Variants in MIPEP observed in about 807,000 individuals in gnomAD.
The protein encoded by MIPEP is mitochondrial intermediate peptidase.
A neutral mutation model predicts 90.3 loss-of-function variants in MIPEP; 79 were observed. The ratio of observed to expected loss-of-function variants is 0.87; its 90% CI spans 0.73 to 1.05. The LOEUF (loss-of-function observed/expected upper bound fraction) is 1.05. Ranked by LOEUF, MIPEP falls within the 50% of genes least tolerant of loss-of-function variation. The pLI, the probability that MIPEP is intolerant of heterozygous loss-of-function variation, is 0.00. For missense variants in MIPEP, 940 were observed against 905.6 expected (o/e 1.04, Z -0.49); for synonymous variants, 334 against 315.8 (o/e 1.06, Z -0.61).
intron 16 of MIPEP, among the ~76,000 whole-genome samples, chr13:23,779,992 C>T (rs1319656832): frequency 6.6e-6 from 1 of 152,196 alleles, no homozygotes; most frequent in East Asian, 1.9e-4. Context: ...CACCTCAGCT[C>T]AAGGAGGCCT....
Position 23,879,367 on chromosome 13 carries a change from G to C in MIPEP, c.453-13C>G, listed in dbSNP as rs771242899. ...ATTTGTGTTCAACCTAGAAAAAATA[G>C]AAATTTAAAAAATTAGATGATTTTC... On this transcript the variant is annotated splice_polypyrimidine_tract_variant and intron_variant, in intron 3 of 18. Coordinates refer to ENST00000382172, the MANE Select transcript of MIPEP (RefSeq NM_005932.4). 2 of 1,389,282 alleles carry C rather than the reference G, an allele frequency of 1.4e-6. No homozygotes were observed. The highest frequency in any genetic ancestry group is 2.9e-5 in the African/African-American group (2 of 69,258). 86.1% of individuals were successfully genotyped at this position (1,389,282 alleles called of 1,614,324 possible). A position where few individuals can be genotyped will look rare whatever the true frequency, so the allele number is the denominator to read the frequency against.
At chr13:23,844,836 T>A (rs1028938565) in intron 10 of MIPEP, among the ~76,000 whole-genome samples, 25 of 152,126 alleles carry the variant, frequency 1.6e-4, no homozygotes, top group African/African-American at 5.8e-4. Context: ...GGAAAAAAAA[T>A]TTAAGTATAG....
At chr13:23,806,095 G>GT (rs1953103912) in intron 15 of MIPEP, 26 bp from the exon 16 acceptor site, 2 of 1,612,620 alleles carry the variant, frequency 1.2e-6, no homozygotes, top group African/African-American at 2.7e-5. Flanking sequence ...CATCTACTTA[G>GT]TTTTGGTCGT....
At chr13:23,750,654 C>T (rs1200978146) in intron 18 of MIPEP, among the ~76,000 whole-genome samples, 1 of 152,222 alleles carries the variant, frequency 6.6e-6, no homozygotes, top group Non-Finnish European at 1.5e-5. Flanking sequence ...GGAACTCACT[C>T]TGCACTGCCC....
intron 3 of MIPEP, among the ~76,000 whole-genome samples, chr13:23,879,858 A>G (rs796753493): frequency 1.1e-4 from 17 of 152,258 alleles, no homozygotes; most frequent in African/African-American, 3.9e-4. Context: ...TGTGTGCAGC[A>G]CACATTTCCT....
At chr13:23,833,689 T>C (rs534715892) in intron 14 of MIPEP, among the ~76,000 whole-genome samples, 31 of 152,236 alleles carry the variant, frequency 2.0e-4, no homozygotes, top group African/African-American at 1.9e-4. Flanking sequence ...TTAAAAAAAA[T>C]TGACATTTGT....
chr13:23,768,069 C>T (rs1323146648), intron 16 of MIPEP, among the ~76,000 whole-genome samples: 2 of 152,192 alleles, frequency 1.3e-5, no homozygotes, highest in Non-Finnish European at 2.9e-5. Flanking sequence ...GCTACTCGCC[C>T]TCCTTGTCCT....
intron 15 of MIPEP, 41 bp from the exon 16 acceptor site, chr13:23,806,110 C>T (rs1566000023): frequency 6.2e-7 from 1 of 1,610,302 alleles, no homozygotes; most frequent in Admixed American, 1.7e-5. Context: ...GGTCGTCCAT[C>T]CTCACATCAA....
chr13:23,815,737 A>G (rs1953225813), intron 14 of MIPEP, among the ~76,000 whole-genome samples: 1 of 152,238 alleles, frequency 6.6e-6, no homozygotes, highest in Admixed American at 6.5e-5. Context: ...GTTTACAAAA[A>G]AACCCCACAA....
intron 12 of MIPEP, 37 bp downstream of exon 12, chr13:23,839,612 C>T (rs758093416): frequency 3.0e-6 from 4 of 1,348,482 alleles, no homozygotes; most frequent in South Asian, 1.6e-5. Flanking sequence ...AAATGCCGAT[C>T]GGTTCTAGAG....
chr13:23,874,478 A>T (rs1446239317), intron 5 of MIPEP, among the ~76,000 whole-genome samples: 1 of 152,228 alleles, frequency 6.6e-6, no homozygotes, highest in Non-Finnish European at 1.5e-5. Flanking sequence ...TATAATATAA[A>T]TAAATACACT....
chr13:23,757,106 T>C (rs1429860193), intron 17 of MIPEP, among the ~76,000 whole-genome samples: 2 of 152,112 alleles, frequency 1.3e-5, no homozygotes, highest in Non-Finnish European at 2.9e-5. Context: ...GTAGAATCAG[T>C]GGGAGCCCTG....
At chr13:23,762,350 C>G (rs936348279) in intron 16 of MIPEP, among the ~76,000 whole-genome samples, 1 of 152,114 alleles carries the variant, frequency 6.6e-6, no homozygotes, top group Non-Finnish European at 1.5e-5. Flanking sequence ...ATCACAGGAA[C>G]GTGGCAGCAT....
In MIPEP at chr13:23,864,198, A is replaced by T; in HGVS notation, c.944-9T>A. The T allele has an allele frequency of 1.4e-5, 22 of 1,535,944 alleles. No individual in the cohort carries two copies. The highest frequency in any genetic ancestry group is 1.9e-5 in the Non-Finnish European group (22 of 1,132,820). ...GAACTGCATGACAGTCTCTAAAACGAAATCCAAAAGAAAATATCTTCAATT... is the reference window on the plus strand; with the variant it reads ...GAACTGCATGACAGTCTCTAAAACGTAATCCAAAAGAAAATATCTTCAATT... On this transcript the variant is annotated splice_polypyrimidine_tract_variant and intron_variant, in intron 7 of 18. Coordinates refer to ENST00000382172, the MANE Select transcript of MIPEP (RefSeq NM_005932.4).
rs148157335 is a variant in MIPEP, at chr13:23,855,788, A to C, written c.1106+3072T>G. Among the ~76,000 whole-genome samples, 438 of 152,322 alleles carry C rather than the reference A, an allele frequency of 2.9e-3. 2 individuals carry two copies. Among genetic ancestry groups the C allele is most frequent in the Admixed American group, 6.0e-3 (92 of 15,306 alleles). On this transcript the variant is annotated intron_variant, in intron 10 of 18. Coordinates refer to ENST00000382172, the MANE Select transcript of MIPEP (RefSeq NM_005932.4). ...TTCCTGGTTCTTTTACTGAGTTAAT[A>C]GTCAAATAAATAAATTAGTATTAAA... is the stretch of plus-strand genomic sequence containing the variant.
At chr13:23,733,908 T>C (rs1012262546) in intron 18 of MIPEP, among the ~76,000 whole-genome samples, 27 of 152,216 alleles carry the variant, frequency 1.8e-4, no homozygotes, top group African/African-American at 6.5e-4. Flanking sequence ...ACAGTGTTCT[T>C]TTTTACAGTA....
At chr13:23,839,618 T>C (rs1160101430) in intron 12 of MIPEP, 31 bp downstream of exon 12, 1 of 1,532,040 alleles carries the variant, frequency 6.5e-7, no homozygotes, top group Admixed American at 1.8e-5. Context: ...CGATCGGTTC[T>C]AGAGAGACCA....
chr13:23,831,391 G>GGGGT (rs1877289563), intron 14 of MIPEP, among the ~76,000 whole-genome samples: 1 of 143,152 alleles, frequency 7.0e-6, no homozygotes, highest in East Asian at 2.1e-4. Flanking sequence ...GGCGGGGGGG[G>GGGGT]GATGTGGATG....
intron 8 of MIPEP, among the ~76,000 whole-genome samples, chr13:23,862,602 G>A (rs990099477): frequency 2.0e-5 from 3 of 152,170 alleles, no homozygotes; most frequent in Non-Finnish European, 4.4e-5. Flanking sequence ...TGTCTCAAGA[G>A]TACTAAAGCT....
Sources: gnomAD v4.1 joint callset for allele counts (sites outside exome capture counted in the v4.1 genomes callset) on GRCh38, gnomAD v4.1.1 for gene constraint, MANE v1.5 for transcripts, NCBI Gene and HGNC (gene_info 2026-07-23, HGNC 2026-07-21) for gene names.